The following NGEF variants were observed in gnomAD, a reference collection of about 807,000 sequenced individuals.
NGEF encodes neuronal guanine nucleotide exchange factor, also known as ephexin-1.
NGEF carries 31 observed loss-of-function variants against 80.9 expected under a neutral mutation model. The ratio of observed to expected loss-of-function variants is 0.38; its 90% CI spans 0.29 to 0.52. The LOEUF is 0.52. NGEF is among the 20% of genes least tolerant of loss of function. The pLI is 0.84. For synonymous variants in NGEF, 371 were observed against 370.2 expected (o/e 1.00, Z -0.03); for missense variants, 709 against 926.2 (o/e 0.77, Z 3.04).
chr2:232,888,128 C>A (rs1233359785), intron 8 of NGEF, 21 bp from the exon 9 acceptor site: 3 of 1,558,284 alleles, frequency 1.9e-6, no homozygotes, highest in Admixed American at 4.1e-5. Flanking sequence ...AGAAAGGCTG[C>A]GTTAACTTTA....
chr2:232,967,859 T>C (rs1351215133), intron 3 of NGEF, among the ~76,000 whole-genome samples: 1 of 152,120 alleles, frequency 6.6e-6, no homozygotes, highest in Non-Finnish European at 1.5e-5. Flanking sequence ...ACAGTTTCCC[T>C]GTAGCCATCC....
rs377085107 is a variant in NGEF, at chr2:233,009,478, C to A, written c.-75+3590G>T. 6.6e-5 allele frequency among the ~76,000 whole-genome samples: 10 copies of A among 152,188 alleles called. No individual in the cohort carries two copies. In the East Asian group the frequency reaches 9.7e-4, roughly 15 times the overall value. ...GGACTACAGGACACCCCACTGCACC[C>A]GGTTCATATACCCATTTTTAAACTC... On this transcript the variant is annotated intron_variant, in intron 1 of 14. Transcript: ENST00000264051.
intron 5 of NGEF, among the ~76,000 whole-genome samples, chr2:232,905,150 G>A (rs990722353): frequency 5.9e-5 from 9 of 151,606 alleles, no homozygotes; most frequent in Admixed American, 2.6e-4. Context: ...CTCTCATGCC[G>A]AGCCAAAGCT....
intron 3 of NGEF, among the ~76,000 whole-genome samples, chr2:232,954,015 A>G (rs1428746307): frequency 6.6e-6 from 1 of 152,200 alleles, no homozygotes; most frequent in Non-Finnish European, 1.5e-5. Flanking sequence ...TTTTAGAGCC[A>G]CTAACTATAA....
intron 5 of NGEF, among the ~76,000 whole-genome samples, chr2:232,903,558 C>T (rs1283395016): frequency 6.6e-6 from 1 of 152,164 alleles, no homozygotes; most frequent in African/African-American, 2.4e-5. Flanking sequence ...AACTTCCTGT[C>T]AGGTGCATAC....
chr2:232,960,185 G>C (rs1170576040), intron 3 of NGEF, among the ~76,000 whole-genome samples: 1 of 152,244 alleles, frequency 6.6e-6, no homozygotes, highest in Non-Finnish European at 1.5e-5. Flanking sequence ...TTTAGATGTA[G>C]CTTAATTTTG....
intron 1 of NGEF, among the ~76,000 whole-genome samples, chr2:232,976,947 G>C (rs1174556359): frequency 6.6e-6 from 1 of 152,194 alleles, no homozygotes; most frequent in Non-Finnish European, 1.5e-5. Context: ...GGCCAGAGAG[G>C]ATTGTGCGGT....
intron 4 of NGEF, among the ~76,000 whole-genome samples, chr2:232,924,529 T>C (rs1039375575): frequency 8.5e-5 from 13 of 152,134 alleles, no homozygotes; most frequent in African/African-American, 1.7e-4. Flanking sequence ...TTCTAAAGGC[T>C]TGTCAAAAAG....
At chr2:233,003,785 C>T (rs945818134) in intron 1 of NGEF, among the ~76,000 whole-genome samples, 3 of 152,084 alleles carry the variant, frequency 2.0e-5, no homozygotes, top group South Asian at 4.1e-4. Flanking sequence ...ATCCAGGAGG[C>T]GCCCTGAGTC....
At chr2:232,993,137 T>TAAA (rs1694688904) in intron 1 of NGEF, among the ~76,000 whole-genome samples, 1 of 32,192 alleles carries the variant, frequency 3.1e-5, no homozygotes, top group Admixed American at 3.3e-4. Context: ...ATATATTTAT[T>TAAA]TATATATATA....
chr2:232,920,769 C>G (rs912845823), intron 4 of NGEF, among the ~76,000 whole-genome samples, 184 bp from the exon 5 acceptor site: 1 of 152,132 alleles, frequency 6.6e-6, no homozygotes, highest in Non-Finnish European at 1.5e-5. Flanking sequence ...CTGCCATCGT[C>G]CTCATTTCTT....
At chr2:232,932,763 C>T (rs1013638463) in intron 3 of NGEF, among the ~76,000 whole-genome samples, 1 of 151,982 alleles carries the variant, frequency 6.6e-6, no homozygotes, top group Non-Finnish European at 1.5e-5. Flanking sequence ...TCCTTGTATC[C>T]TCATGCGTTA....
chr2:232,906,859 A>G (rs1436645519), intron 5 of NGEF, among the ~76,000 whole-genome samples: 1 of 151,656 alleles, frequency 6.6e-6, no homozygotes, highest in East Asian at 1.9e-4. Context: ...CTGCCTTGGG[A>G]TCCTGTTGAT....
chr2:232,906,399 G>A (rs1408275385), intron 5 of NGEF, among the ~76,000 whole-genome samples: 1 of 112,232 alleles, frequency 8.9e-6, no homozygotes, highest in Non-Finnish European at 1.9e-5. Flanking sequence ...GGAGGTGGGG[G>A]GGTCAGCCCC....
intron 3 of NGEF, among the ~76,000 whole-genome samples, chr2:232,959,939 T>G (rs1361902788): frequency 6.6e-6 from 1 of 152,220 alleles, no homozygotes; most frequent in Admixed American, 6.5e-5. Context: ...CAACCAGGTA[T>G]GGCACCAACC....
intron 3 of NGEF, among the ~76,000 whole-genome samples, chr2:232,969,050 T>C (rs1301072758): frequency 6.6e-6 from 1 of 152,216 alleles, no homozygotes; most frequent in Non-Finnish European, 1.5e-5. Context: ...ATCTCTGCCG[T>C]GTTAAGCTGT....
At chr2:232,957,536 T>C (rs1198695969) in intron 3 of NGEF, among the ~76,000 whole-genome samples, 3 of 152,196 alleles carry the variant, frequency 2.0e-5, no homozygotes, top group Admixed American at 6.5e-5. Context: ...TTAGCCAGGG[T>C]GGTCTTGAAC....
chr2:232,888,235 C>A (rs916355440), intron 8 of NGEF, 128 bp from the exon 9 acceptor site: 2 of 371,532 alleles, frequency 5.4e-6, no homozygotes, highest in African/African-American at 2.5e-5. Context: ...CACACACACA[C>A]ACGCACGCAC....
intron 1 of NGEF, among the ~76,000 whole-genome samples, chr2:232,999,720 G>A (rs1418775616): frequency 6.6e-6 from 1 of 152,230 alleles, no homozygotes; most frequent in Non-Finnish European, 1.5e-5. Flanking sequence ...CAGGGCTGCT[G>A]AGCTCCCAGG....
Sources: allele counts gnomAD v4.1 joint callset (sites outside exome capture counted in the v4.1 genomes callset), GRCh38; gene constraint gnomAD v4.1.1; transcripts MANE v1.5; gene names NCBI Gene and HGNC (gene_info 2026-07-23, HGNC 2026-07-21).